CHST11: variants seen among roughly 807,000 people sequenced by gnomAD.
CHST11 encodes the protein carbohydrate sulfotransferase 11.
A neutral mutation model predicts 30.4 loss-of-function variants in CHST11; 9 were observed. That is an observed-to-expected ratio of 0.30 (90% confidence interval 0.18 to 0.52). The LOEUF is 0.52. Among genes scored for constraint, CHST11 ranks in the 20% least tolerant of loss-of-function variants. The pLI is 0.97. For missense variants in CHST11, 348 were observed against 460.6 expected, an observed-to-expected ratio of 0.76 and a Z score of 2.24; for synonymous variants, 152 against 187.8, an observed-to-expected ratio of 0.81 and a Z score of 1.56.
intron 2 of CHST11, among the ~76,000 whole-genome samples, chr12:104,640,599 G>A (rs947207823): frequency 3.3e-5 from 5 of 152,212 alleles, no homozygotes; most frequent in African/African-American, 1.2e-4. Flanking sequence ...GTTTCAGGAG[G>A]TGGGGAGAGG....
intron 2 of CHST11, among the ~76,000 whole-genome samples, chr12:104,710,746 C>T (rs2040080548): frequency 6.6e-6 from 1 of 152,232 alleles, no homozygotes; most frequent in African/African-American, 2.4e-5. Context: ...AGTGATTTAA[C>T]CTCCCCTCTT....
At chr12:104,528,337 G>A (rs921224399) in intron 1 of CHST11, among the ~76,000 whole-genome samples, 1 of 152,136 alleles carries the variant, frequency 6.6e-6, no homozygotes, top group Non-Finnish European at 1.5e-5. Flanking sequence ...AAAGCTAAAG[G>A]CTTCTTTGCC....
At chr12:104,716,638 C>T (rs1051060782) in intron 2 of CHST11, among the ~76,000 whole-genome samples, 4 of 152,210 alleles carry the variant, frequency 2.6e-5, no homozygotes, top group Admixed American at 2.6e-4. Flanking sequence ...GAAATATTTG[C>T]TGAATACATG....
At chr12:104,573,460 T>C (rs2038650507) in intron 1 of CHST11, among the ~76,000 whole-genome samples, 1 of 152,090 alleles carries the variant, frequency 6.6e-6, no homozygotes, top group African/African-American at 2.4e-5. Context: ...CTTCAAACTA[T>C]ACTACAAGGC....
chr12:104,538,104 A>G (rs1196720258), intron 1 of CHST11, among the ~76,000 whole-genome samples: 1 of 152,168 alleles, frequency 6.6e-6, no homozygotes, highest in Non-Finnish European at 1.5e-5. Context: ...TTGTTACCTA[A>G]TGTTCTTTTC....
At chr12:104,586,344 C>T (rs975144336) in intron 1 of CHST11, among the ~76,000 whole-genome samples, 3 of 152,124 alleles carry the variant, frequency 2.0e-5, no homozygotes, top group Non-Finnish European at 2.9e-5. Flanking sequence ...GTTGTGTGGC[C>T]GGGAGGGACT....
chr12:104,548,920 C>T (rs2038378567), intron 1 of CHST11, among the ~76,000 whole-genome samples: 2 of 152,184 alleles, frequency 1.3e-5, no homozygotes, highest in Non-Finnish European at 2.9e-5. Context: ...AACTAGGCTC[C>T]TTATCATCAA....
chr12:104,561,014 AG>A (rs1436434712), intron 1 of CHST11, among the ~76,000 whole-genome samples: 1 of 152,182 alleles, frequency 6.6e-6, no homozygotes, highest in Non-Finnish European at 1.5e-5. Flanking sequence ...AGTGACTTAG[AG>A]GGGCTTGGCT....
At chr12:104,697,339 G>A (rs545411160) in intron 2 of CHST11, among the ~76,000 whole-genome samples, 2 of 152,338 alleles carry the variant, frequency 1.3e-5, no homozygotes, top group South Asian at 2.1e-4. Context: ...TCAGTAGACT[G>A]AGTAAAGAAG....
intron 1 of CHST11, among the ~76,000 whole-genome samples, chr12:104,579,650 G>A (rs2038719763): frequency 6.6e-6 from 1 of 152,152 alleles, no homozygotes; most frequent in South Asian, 2.1e-4. Context: ...GTCAATGTGT[G>A]GATGCGCCGC....
At chr12:104,465,566 T>C (rs996406803) in intron 1 of CHST11, among the ~76,000 whole-genome samples, 2 of 152,230 alleles carry the variant, frequency 1.3e-5, no homozygotes, top group African/African-American at 4.8e-5. Flanking sequence ...TACATCTTCC[T>C]CTTTTGACAT....
intron 2 of CHST11, among the ~76,000 whole-genome samples, chr12:104,617,042 C>T (rs903427090): frequency 2.6e-5 from 4 of 152,136 alleles, no homozygotes; most frequent in Admixed American, 6.5e-5. Flanking sequence ...GCTGGAGTCC[C>T]AAGGTGGGCC....
At chr12:104,496,268 G>T (rs911993488) in intron 1 of CHST11, among the ~76,000 whole-genome samples, 1 of 152,190 alleles carries the variant, frequency 6.6e-6, no homozygotes, top group Non-Finnish European at 1.5e-5. Context: ...CACTCTTAGA[G>T]CCACCAGATT....
At chr12:104,652,908 T>A (rs2039506736) in intron 2 of CHST11, among the ~76,000 whole-genome samples, 1 of 152,186 alleles carries the variant, frequency 6.6e-6, no homozygotes, top group Non-Finnish European at 1.5e-5. Context: ...ACACACTCCC[T>A]ACGCACATCT....
chr12:104,476,310 A>T (rs1252487698), intron 1 of CHST11, among the ~76,000 whole-genome samples: 1 of 150,926 alleles, frequency 6.6e-6, no homozygotes, highest in Non-Finnish European at 1.5e-5. Flanking sequence ...TAATATATAC[A>T]TATGTTATAC....
chr12:104,621,058 T>A (rs752955996), intron 2 of CHST11, among the ~76,000 whole-genome samples: 15 of 151,882 alleles, frequency 9.9e-5, no homozygotes, highest in Non-Finnish European at 1.9e-4. Flanking sequence ...CTTGTCTCTA[T>A]CAGTTCATTT....
At chr12:104,710,380 C>G (rs2136119963) in intron 2 of CHST11, among the ~76,000 whole-genome samples, 1 of 152,264 alleles carries the variant, frequency 6.6e-6, no homozygotes, top group South Asian at 2.1e-4. Context: ...CCAGCAGGCT[C>G]TTTTCTTCGG....
At chr12:104,720,845 A>G (rs1183746117) in intron 2 of CHST11, among the ~76,000 whole-genome samples, 5 of 152,056 alleles carry the variant, frequency 3.3e-5, no homozygotes, top group African/African-American at 1.2e-4. Flanking sequence ...CTGCTTTGGG[A>G]CTTTTAAAAT....
chr12:104,521,353 G>A (rs991553853), intron 1 of CHST11, among the ~76,000 whole-genome samples: 2 of 152,198 alleles, frequency 1.3e-5, no homozygotes, highest in African/African-American at 4.8e-5. Context: ...CTTCTTTGTG[G>A]TCCGCGTTTT....
Sources: gnomAD v4.1 joint callset for allele counts (sites outside exome capture counted in the v4.1 genomes callset) on GRCh38, gnomAD v4.1.1 for gene constraint, MANE v1.5 for transcripts, NCBI Gene and HGNC (gene_info 2026-07-23, HGNC 2026-07-21) for gene names.